ZMIZ1: variants seen among roughly 807,000 people sequenced by gnomAD.
ZMIZ1 encodes zinc finger MIZ domain-containing protein 1.
A neutral mutation model predicts 113.9 loss-of-function variants in ZMIZ1; 17 were observed. The observed-to-expected ratio is 0.15, with a 90% CI of 0.10 to 0.22. The LOEUF is 0.22. Ranked by LOEUF, ZMIZ1 falls within the 10% of genes least tolerant of loss-of-function variation. The pLI is 1.00. For synonymous variants in ZMIZ1, 607 were observed against 603.1 expected (o/e 1.01, Z -0.09); for missense variants, 1,059 against 1,477.8 (o/e 0.72, Z 4.65).
intron 1 of ZMIZ1, among the ~76,000 whole-genome samples, chr10:79,100,424 A>G (rs1320313394): frequency 6.8e-6 from 1 of 147,306 alleles, no homozygotes; most frequent in African/African-American, 2.5e-5. Context: ...TGGGCAACAT[A>G]GACACCATCT....
At chr10:79,180,812 C>T (rs1041811804) in intron 4 of ZMIZ1, among the ~76,000 whole-genome samples, 1 of 152,230 alleles carries the variant, frequency 6.6e-6, no homozygotes, top group Non-Finnish European at 1.5e-5. Flanking sequence ...CTGACCGCAA[C>T]TCCATTTGCA....
chr10:79,079,612 C>A (rs536594887), intron 1 of ZMIZ1, among the ~76,000 whole-genome samples: 92 of 151,994 alleles, frequency 6.1e-4, no homozygotes, highest in African/African-American at 2.1e-3. Context: ...GCGACTTGAC[C>A]AAGGCCACAG....
At chr10:79,253,044 C>A (rs1850648850) in intron 7 of ZMIZ1, among the ~76,000 whole-genome samples, 1 of 152,200 alleles carries the variant, frequency 6.6e-6, no homozygotes, top group Admixed American at 6.5e-5. Flanking sequence ...CCCCTCCCCT[C>A]TGGGAGCTTA....
intron 7 of ZMIZ1, among the ~76,000 whole-genome samples, chr10:79,223,632 C>T (rs562478711): frequency 3.3e-5 from 5 of 152,356 alleles, no homozygotes; most frequent in South Asian, 2.1e-4. Flanking sequence ...AGGCAACTGG[C>T]GCTCTTATCA....
rs573580229 is a variant in ZMIZ1, at chr10:79,313,864, C to T, written c.*1115C>T. 2.5e-4 allele frequency: 90 copies of T among 362,856 alleles called. No individual in the cohort carries two copies. Among genetic ancestry groups the T allele is most frequent in the African/African-American group, 1.2e-3 (56 of 47,116 alleles). The allele number at this position is 362,856 out of a possible 1,614,324, so 22.5% of individuals were successfully genotyped here. A position where few individuals can be genotyped will look rare whatever the true frequency, so the allele number is the denominator to read the frequency against. ...GTCCAATCAGATGGCAAGGGCAGTG[C>T]GTGGAAAGGCCGGGGAGGTGCAGAA... On this transcript the variant is annotated 3_prime_UTR_variant, in exon 25 of 25. Coordinates refer to ENST00000334512, the MANE Select transcript of ZMIZ1 (RefSeq NM_020338.4).
At chr10:79,130,578 A>T (rs2132370018) in intron 2 of ZMIZ1, among the ~76,000 whole-genome samples, 1 of 152,318 alleles carries the variant, frequency 6.6e-6, no homozygotes, top group Admixed American at 6.5e-5. Context: ...CTGTCTCCCC[A>T]GCACACATGC....
At chr10:79,293,032 C>T (rs1406037944) in intron 11 of ZMIZ1, among the ~76,000 whole-genome samples, 1 of 152,114 alleles carries the variant, frequency 6.6e-6, no homozygotes, top group Non-Finnish European at 1.5e-5. Flanking sequence ...CCTCATCTAC[C>T]TCCACCCTCC....
At chr10:79,236,792 T>G (rs1200025496) in intron 7 of ZMIZ1, among the ~76,000 whole-genome samples, 2 of 152,224 alleles carry the variant, frequency 1.3e-5, no homozygotes, top group Non-Finnish European at 1.5e-5. Flanking sequence ...AGGCAGCTGG[T>G]CCTTGTTTCA....
intron 24 of ZMIZ1, 69 bp from the exon 25 acceptor site, chr10:79,312,573 T>C: frequency 1.3e-6 from 2 of 1,547,372 alleles, no homozygotes; most frequent in Non-Finnish European, 1.8e-6. Context: ...AGGGCGCCCC[T>C]GCATTCCTCA....
At chr10:79,157,923 C>G (rs928373923) in intron 3 of ZMIZ1, among the ~76,000 whole-genome samples, 15 of 152,170 alleles carry the variant, frequency 9.9e-5, no homozygotes, top group African/African-American at 3.6e-4. Context: ...TGTTGCCTGA[C>G]CAGCAGCTGT....
At chr10:79,305,281 A>G (rs1390260859) in intron 20 of ZMIZ1, 50 bp downstream of exon 20, 1 of 1,598,486 alleles carries the variant, frequency 6.3e-7, no homozygotes. Flanking sequence ...CCAACCACAG[A>G]CGGGAGGGGC....
In ZMIZ1 at chr10:79,192,265, A is replaced by G. The variant is rs574727498; in HGVS notation, c.-49-9319A>G. Among the ~76,000 whole-genome samples, 20 of 152,380 alleles carry G rather than the reference A, an allele frequency of 1.3e-4. No homozygotes were observed. The East Asian group carries it at 2.7e-3, about 21-fold the overall frequency. ...GGGTCAGTGGGCTGGCCCCTTTGTC[A>G]GGGCCACATCACTGAGTGTTTCCCC... On this transcript the variant is annotated intron_variant, in intron 4 of 24. Coordinates refer to ENST00000334512, the MANE Select transcript of ZMIZ1 (RefSeq NM_020338.4).
chr10:79,080,299 A>C (rs1842613419), intron 1 of ZMIZ1, among the ~76,000 whole-genome samples: 2 of 115,956 alleles, frequency 1.7e-5, no homozygotes, highest in Non-Finnish European at 3.4e-5. Context: ...CTCGGGTGTG[A>C]CTTTTTTTTT....
chr10:79,283,687 C>A (rs1852884286), intron 8 of ZMIZ1, among the ~76,000 whole-genome samples: 1 of 152,200 alleles, frequency 6.6e-6, no homozygotes, highest in Non-Finnish European at 1.5e-5. Context: ...CCATAAATCC[C>A]TGCACCATCA....
At chr10:79,297,275 A>T (rs1853961587) in intron 13 of ZMIZ1, among the ~76,000 whole-genome samples, 1 of 152,214 alleles carries the variant, frequency 6.6e-6, no homozygotes, top group Non-Finnish European at 1.5e-5. Context: ...TTTTCTTGGG[A>T]GTAAAGAAGA....
At chr10:79,162,258 G>A (rs1225114956) in intron 4 of ZMIZ1, 125 bp downstream of exon 4, 3 of 396,962 alleles carry the variant, frequency 7.6e-6, no homozygotes, top group East Asian at 3.6e-5. Context: ...GGGCAGGAGC[G>A]GGCACAAGCC....
At chr10:79,280,033 G>A (rs1852615193) in intron 8 of ZMIZ1, among the ~76,000 whole-genome samples, 1 of 150,528 alleles carries the variant, frequency 6.6e-6, no homozygotes, top group African/African-American at 2.4e-5. Flanking sequence ...CTGTCACCCA[G>A]GCTGTAGTAC....
intron 4 of ZMIZ1, among the ~76,000 whole-genome samples, chr10:79,177,146 A>G (rs1846906099): frequency 6.6e-6 from 1 of 152,184 alleles, no homozygotes; most frequent in South Asian, 2.1e-4. Flanking sequence ...GGGACCTGTA[A>G]ATTGAAAACA....
At chr10:79,254,945 G>T (rs2132906220) in intron 7 of ZMIZ1, among the ~76,000 whole-genome samples, 1 of 152,342 alleles carries the variant, frequency 6.6e-6, no homozygotes, top group South Asian at 2.1e-4. Flanking sequence ...ACCTCTTGCA[G>T]CCTCAAGGTC....
Sources: allele counts gnomAD v4.1 joint callset (sites outside exome capture counted in the v4.1 genomes callset), GRCh38; gene constraint gnomAD v4.1.1; transcripts MANE v1.5; gene names NCBI Gene and HGNC (gene_info 2026-07-23, HGNC 2026-07-21).